FBXW7: variants seen among roughly 807,000 people sequenced by gnomAD.
FBXW7 encodes the protein F-box/WD repeat-containing protein 7.
A neutral mutation model predicts 86.3 loss-of-function variants in FBXW7; 11 were observed. That is an observed-to-expected ratio of 0.13 (90% CI 0.08 to 0.21). The LOEUF (loss-of-function observed/expected upper bound fraction) is 0.21, where lower values mean the gene tolerates loss of function less well. FBXW7 is among the 10% of genes least tolerant of loss of function. The probability of loss-of-function intolerance (pLI) is 1.00; values close to 1 mark genes in which losing one functional copy is unlikely to be tolerated. For synonymous variants in FBXW7, 313 were observed against 297.9 expected, an observed-to-expected ratio of 1.05 and a Z score of -0.52; for missense variants, 488 against 847.4, an observed-to-expected ratio of 0.58 and a Z score of 5.27.
intron 2 of FBXW7, among the ~76,000 whole-genome samples, chr4:152,501,415 T>C (rs977596932): frequency 6.6e-6 from 1 of 152,200 alleles, no homozygotes; most frequent in African/African-American, 2.4e-5. Context: ...ATAACATTCA[T>C]TTACTTCTGT....
intron 2 of FBXW7, among the ~76,000 whole-genome samples, chr4:152,415,800 G>C (rs1259194741): frequency 6.6e-6 from 1 of 152,008 alleles, no homozygotes; most frequent in Non-Finnish European, 1.5e-5. Flanking sequence ...GGTAAAGTGT[G>C]CTGCAACCTC....
intron 2 of FBXW7, among the ~76,000 whole-genome samples, chr4:152,455,321 A>G (rs1742307755): frequency 6.6e-6 from 1 of 152,174 alleles, no homozygotes; most frequent in South Asian, 2.1e-4. Flanking sequence ...GTTACAATCT[A>G]AACAAGGATC....
intron 4 of FBXW7, among the ~76,000 whole-genome samples, chr4:152,381,010 C>T (rs2126775660): frequency 6.6e-6 from 1 of 152,068 alleles, no homozygotes; most frequent in South Asian, 2.1e-4. Flanking sequence ...TTTCTTAAAA[C>T]AGTAAAGTAC....
intron 2 of FBXW7, among the ~76,000 whole-genome samples, chr4:152,526,660 G>A (rs1254209387): frequency 1.3e-5 from 2 of 152,018 alleles, no homozygotes; most frequent in East Asian, 1.9e-4. Context: ...TATTTCCAGG[G>A]GTTAAAGAGA....
intron 2 of FBXW7, among the ~76,000 whole-genome samples, chr4:152,489,942 C>A (rs1422991874): frequency 6.6e-6 from 1 of 152,056 alleles, no homozygotes; most frequent in Admixed American, 6.6e-5. Context: ...CATAAGCATT[C>A]TTTAAAAAAA....
intron 12 of FBXW7, 68 bp from the exon 13 acceptor site, chr4:152,324,462 C>G: frequency 7.8e-7 from 1 of 1,288,502 alleles, no homozygotes; most frequent in South Asian, 1.3e-5. Flanking sequence ...GACCTTAATC[C>G]TAGTAGGAAA....
chr4:152,418,004 C>T (rs1342582530), intron 2 of FBXW7, among the ~76,000 whole-genome samples: 1 of 152,108 alleles, frequency 6.6e-6, no homozygotes, highest in East Asian at 1.9e-4. Context: ...CAAAAAACAT[C>T]TGTGTTAAGA....
At chr4:152,376,938 AG>A (rs994161039) in intron 4 of FBXW7, among the ~76,000 whole-genome samples, 5 of 152,042 alleles carry the variant, frequency 3.3e-5, no homozygotes, top group African/African-American at 7.2e-5. Context: ...ATAACTAAAA[AG>A]GAAAAAAAAA....
chr4:152,344,066 C>T (rs1179730088), intron 6 of FBXW7, among the ~76,000 whole-genome samples: 5 of 152,140 alleles, frequency 3.3e-5, no homozygotes, highest in Non-Finnish European at 7.4e-5. Context: ...ACAGAAAAGT[C>T]ATCATGAAAT....
chr4:152,472,044 C>A (rs1390106329), intron 2 of FBXW7, among the ~76,000 whole-genome samples: 2 of 151,762 alleles, frequency 1.3e-5, no homozygotes, highest in Admixed American at 1.3e-4. Flanking sequence ...ACAAAAAAAA[C>A]AAACCGATTT....
intron 2 of FBXW7, among the ~76,000 whole-genome samples, chr4:152,413,782 C>T (rs558158054): frequency 1.3e-5 from 2 of 152,218 alleles, no homozygotes; most frequent in African/African-American, 2.4e-5. Context: ...TAACCAATGA[C>T]ATTTCATCTT....
intron 13 of FBXW7, chr4:152,323,786 A>G (rs1383414373): frequency 5.6e-6 from 1 of 179,410 alleles, no homozygotes; most frequent in African/African-American, 2.4e-5. Context: ...AGGCCAAATA[A>G]ATTTTCTATC....
At chr4:152,334,237 G>C (rs959482219) in intron 7 of FBXW7, among the ~76,000 whole-genome samples, 3 of 152,132 alleles carry the variant, frequency 2.0e-5, no homozygotes, top group Admixed American at 6.5e-5. Context: ...GTATTATGTA[G>C]AGAAGCTGAG....
At chr4:152,347,678 G>GT (rs1279312748) in intron 5 of FBXW7, among the ~76,000 whole-genome samples, 3 of 151,994 alleles carry the variant, frequency 2.0e-5, no homozygotes, top group Non-Finnish European at 4.4e-5. Flanking sequence ...TTCAAAACAG[G>GT]TAAGTATTAA....
At chr4:152,391,197 A>T (rs1735965592) in intron 4 of FBXW7, among the ~76,000 whole-genome samples, 1 of 152,150 alleles carries the variant, frequency 6.6e-6, no homozygotes, top group Non-Finnish European at 1.5e-5. Context: ...ACAGAATTTA[A>T]GTATAGAATT....
At chr4:152,506,087 C>G (rs1426148006) in intron 2 of FBXW7, among the ~76,000 whole-genome samples, 1 of 152,062 alleles carries the variant, frequency 6.6e-6, no homozygotes, top group Admixed American at 6.6e-5. Context: ...CAACCAGTAA[C>G]ACAGTCCTTT....
At chr4:152,396,665 G>A (rs78743902) in intron 4 of FBXW7, among the ~76,000 whole-genome samples, 2,079 of 152,078 alleles carry the variant, frequency 0.014, 26 homozygotes, top group Middle Eastern at 0.037. Context: ...AGTTCAACAT[G>A]CACCAGCTAT....
At chr4:152,432,795 G>C (rs1740032103) in intron 2 of FBXW7, among the ~76,000 whole-genome samples, 1 of 152,132 alleles carries the variant, frequency 6.6e-6, no homozygotes, top group Non-Finnish European at 1.5e-5. Context: ...CTGGGAAACA[G>C]AGCGAGACAC....
intron 4 of FBXW7, among the ~76,000 whole-genome samples, chr4:152,400,928 T>C (rs192575928): frequency 4.9e-4 from 75 of 152,268 alleles, no homozygotes; most frequent in Middle Eastern, 3.4e-3. Context: ...AGATGGGAAG[T>C]AAGCACAGGA....
Sources: allele counts gnomAD v4.1 joint callset (sites outside exome capture counted in the v4.1 genomes callset), GRCh38; gene constraint gnomAD v4.1.1; transcripts MANE v1.5; gene names NCBI Gene and HGNC (gene_info 2026-07-23, HGNC 2026-07-21).